The following FNIP2 variants were observed in gnomAD, a reference collection of about 807,000 sequenced individuals.
The protein encoded by FNIP2 is folliculin-interacting protein 2.
FNIP2 carries 32 observed loss-of-function variants against 108.7 expected under a neutral mutation model. The ratio of observed to expected loss-of-function variants is 0.29; its 90% CI spans 0.22 to 0.40. The LOEUF (loss-of-function observed/expected upper bound fraction) is 0.40, where lower values mean the gene tolerates loss of function less well. Ranked by LOEUF, FNIP2 falls within the 10% of genes least tolerant of loss-of-function variation. The pLI, the probability that FNIP2 is intolerant of heterozygous loss-of-function variation, is 1.00. For missense variants in FNIP2, 1,202 were observed against 1,381.6 expected (o/e 0.87, Z 2.06); for synonymous variants, 480 against 496.7 (o/e 0.97, Z 0.45).
At chr4:158,797,634 G>A (rs188124353) in intron 1 of FNIP2, among the ~76,000 whole-genome samples, 2 of 152,320 alleles carry the variant, frequency 1.3e-5, no homozygotes, top group East Asian at 3.9e-4. Flanking sequence ...TAGAGGTCGA[G>A]GCTGCAGTGA....
At chr4:158,889,818 TTC>T in intron 14 of FNIP2, 1 of 985,086 alleles carries the variant, frequency 1.0e-6, no homozygotes, top group East Asian at 1.1e-4. Flanking sequence ...TTTTTTTTTT[TTC>T]CATAAGGACC....
At chr4:158,784,042 AATAATGTGGGTAGC>A (rs1364905971) in intron 1 of FNIP2, among the ~76,000 whole-genome samples, 2 of 152,232 alleles carry the variant, frequency 1.3e-5, no homozygotes, top group Non-Finnish European at 2.9e-5. Flanking sequence ...TTTGAGCCCG[AATAATGTGGGTAGC>A]ATAATTAGTG....
chr4:158,867,949 C>T (rs924098247), intron 12 of FNIP2, among the ~76,000 whole-genome samples, 153 bp from the exon 13 acceptor site: 2 of 152,222 alleles, frequency 1.3e-5, no homozygotes, highest in Non-Finnish European at 1.5e-5. Flanking sequence ...AAAACTAAAA[C>T]GTGGTCCTTA....
chr4:158,889,931 G>A (rs1254437043), intron 14 of FNIP2: 8 of 985,040 alleles, frequency 8.1e-6, no homozygotes, highest in Non-Finnish European at 8.4e-6. Flanking sequence ...CTGAAGCCTT[G>A]TATCTTTAGT....
chr4:158,813,005 T>C (rs1777363217), intron 1 of FNIP2, among the ~76,000 whole-genome samples: 1 of 152,080 alleles, frequency 6.6e-6, no homozygotes, highest in Non-Finnish European at 1.5e-5. Flanking sequence ...CCTCTTCAGA[T>C]TGGCTTCTTT....
Position 158,907,028 on chromosome 4 carries a change from T to TA in FNIP2, c.*2485dup, listed in dbSNP as rs1269174341. ...TAGGGTTTCTTCAACTTTTAAGTCT[T>TA]ACCTGTTGAGTGTAACTTTTGTAGC... On this transcript the variant is annotated 3_prime_UTR_variant, in exon 17 of 17. Transcript: ENST00000264433. 5 of 152,250 alleles carry TA rather than the reference T, an allele frequency of 3.3e-5. No individual in the cohort carries two copies. The highest frequency in any genetic ancestry group is 1.2e-4 in the African/African-American group (5 of 41,468). 9.4% of individuals were successfully genotyped at this position (152,250 alleles called of 1,614,324 possible).
rs1729660617 is a variant in FNIP2 at position 158,904,540 on chromosome 4, T to TA, written c.3342dup (p.Ter1115IlefsTer3). 6.2e-7 allele frequency: 1 copy of TA among 1,612,516 alleles called. No individual in the cohort carries two copies. Among genetic ancestry groups the TA allele is most frequent in the Non-Finnish European group, 8.5e-7 (1 of 1,179,466 alleles). ...TCTCCTTATGTGGCTCAAATACTCT[T>TA]ATAAGCTAAAGCTCAGGACAGTTCT... On this transcript the variant is annotated frameshift_variant, in exon 17 of 17. Coordinates refer to ENST00000264433, the MANE Select transcript of FNIP2 (RefSeq NM_020840.3). LOFTEE classifies it high-confidence loss of function.
intron 1 of FNIP2, among the ~76,000 whole-genome samples, chr4:158,787,189 C>T (rs1776252229): frequency 6.6e-6 from 1 of 152,124 alleles, no homozygotes; most frequent in Admixed American, 6.5e-5. Flanking sequence ...TTTTCCTTGG[C>T]AAATACAAAG....
chr4:158,889,631 G>A (rs1470613021), intron 14 of FNIP2, among the ~76,000 whole-genome samples: 6 of 152,272 alleles, frequency 3.9e-5, no homozygotes, highest in African/African-American at 1.4e-4. Context: ...TGTGAAAGGT[G>A]ACAGGCATAC....
At chr4:158,790,975 T>G (rs1411293351) in intron 1 of FNIP2, among the ~76,000 whole-genome samples, 1 of 152,188 alleles carries the variant, frequency 6.6e-6, no homozygotes, top group Non-Finnish European at 1.5e-5. Context: ...TTCCATTTTG[T>G]TTGCAGGTGA....
chr4:158,874,492 C>CA lies in FNIP2; in HGVS notation c.2949+4036dup, dbSNP rs56397772. On this transcript the variant is annotated intron_variant, in intron 14 of 16. Transcript: ENST00000264433. The stretch of plus-strand genomic sequence containing the variant: ...CAATATAGCAAAATCCCATCTCTAG[C>CA]AAAAAAAAAAAAATAGCTAGGCATG... 6.6e-5 allele frequency among the ~76,000 whole-genome samples: 6 copies of CA among 91,446 alleles called. 1 individual carries two copies. Among genetic ancestry groups the CA allele is most frequent in the African/African-American group, 2.5e-4 (6 of 23,564 alleles). 60.0% of individuals were successfully genotyped at this position (91,446 alleles called of 152,430 possible).
chr4:158,858,958 A>G, intron 8 of FNIP2, 99 bp from the exon 9 acceptor site: 1 of 924,322 alleles, frequency 1.1e-6, no homozygotes, highest in Non-Finnish European at 1.7e-6. Flanking sequence ...ACTCTTAGTT[A>G]TGACTGAATG....
chr4:158,817,518 A>G (rs1412028923), intron 1 of FNIP2, among the ~76,000 whole-genome samples: 2 of 152,124 alleles, frequency 1.3e-5, no homozygotes, highest in East Asian at 3.9e-4. Flanking sequence ...ACCTTTAGGT[A>G]TAATTTTAGT....
chr4:158,879,701 A>G (rs1781476863), intron 14 of FNIP2, among the ~76,000 whole-genome samples: 4 of 150,322 alleles, frequency 2.7e-5, no homozygotes, highest in Admixed American at 2.6e-4. Context: ...CCATCTGACA[A>G]AGGGCTAATA....
chr4:158,790,436 A>G lies in FNIP2; in HGVS notation c.107+21117A>G, dbSNP rs144711792. Among the ~76,000 whole-genome samples, 80 of 152,232 alleles carry G rather than the reference A, an allele frequency of 5.3e-4. No individual in the cohort carries two copies. In the Middle Eastern group the frequency reaches 0.014, roughly 26 times the overall value. ...GGATACTCAACCTGTATACCAAAAAATAGGCACAAGGAGACCTTACAGAAG... is the reference window on the plus strand; with the variant it reads ...GGATACTCAACCTGTATACCAAAAAGTAGGCACAAGGAGACCTTACAGAAG... On this transcript the variant is annotated intron_variant, in intron 1 of 16. Coordinates refer to ENST00000264433, the MANE Select transcript of FNIP2 (RefSeq NM_020840.3).
intron 1 of FNIP2, among the ~76,000 whole-genome samples, chr4:158,791,822 C>G (rs1161211653): frequency 6.6e-6 from 1 of 152,114 alleles, no homozygotes; most frequent in Non-Finnish European, 1.5e-5. Flanking sequence ...CATCAGTAAT[C>G]TCGAGTGCAA....
At chr4:158,787,852 A>G (rs184758238) in intron 1 of FNIP2, among the ~76,000 whole-genome samples, 429 of 152,210 alleles carry the variant, frequency 2.8e-3, no homozygotes, top group African/African-American at 7.9e-3. Flanking sequence ...TCTTCCCCTC[A>G]TACTCTTAAG....
intron 1 of FNIP2, among the ~76,000 whole-genome samples, chr4:158,787,446 A>G (rs1008953428): frequency 1.3e-5 from 2 of 152,186 alleles, no homozygotes; most frequent in Non-Finnish European, 2.9e-5. Flanking sequence ...TATTTACATG[A>G]GTTTTATTTC....
intron 6 of FNIP2, chr4:158,834,014 G>C: frequency 1.9e-6 from 1 of 525,628 alleles, no homozygotes; most frequent in Non-Finnish European, 2.8e-6. Context: ...CACAGATATT[G>C]GTTTCAAATG....
Sources: gnomAD v4.1 joint callset for allele counts (sites outside exome capture counted in the v4.1 genomes callset) on GRCh38, gnomAD v4.1.1 for gene constraint, MANE v1.5 for transcripts, NCBI Gene and HGNC (gene_info 2026-07-23, HGNC 2026-07-21) for gene names.